The following NACC2 variants were observed in gnomAD, a reference collection of about 807,000 sequenced individuals.
NACC2 encodes the protein NACC family member 2, also known as nucleus accumbens-associated protein 2.
NACC2 carries 8 observed loss-of-function variants against 25.1 expected under a neutral mutation model. The observed-to-expected ratio is 0.32, with a 90% CI of 0.19 to 0.57. The LOEUF (loss-of-function observed/expected upper bound fraction) is 0.57. NACC2 is among the 20% of genes least tolerant of loss of function. The pLI is 0.89. For missense variants in NACC2, 644 were observed against 650.2 expected, an observed-to-expected ratio of 0.99 and a Z score of 0.10; for synonymous variants, 435 against 294.7, an observed-to-expected ratio of 1.48 and a Z score of -4.88.
chr9:136,063,396 G>A (rs570643010), intron 1 of NACC2, among the ~76,000 whole-genome samples: 1 of 152,282 alleles, frequency 6.6e-6, no homozygotes, highest in South Asian at 2.1e-4. Context: ...CAGGAAAGAG[G>A]TCACGTACAT....
At chr9:136,070,900 C>A (rs967415142) in intron 1 of NACC2, among the ~76,000 whole-genome samples, 2 of 151,480 alleles carry the variant, frequency 1.3e-5, no homozygotes, top group Non-Finnish European at 2.9e-5. Flanking sequence ...AATTACAGAC[C>A]CTGCAGATAG....
chr9:136,036,183 T>G (rs1840549657), intron 2 of NACC2, among the ~76,000 whole-genome samples: 1 of 152,122 alleles, frequency 6.6e-6, no homozygotes, highest in Admixed American at 6.6e-5. Context: ...GCAAAATATT[T>G]AAATAGGCAC....
At chr9:136,060,475 C>T (rs993705468) in intron 1 of NACC2, among the ~76,000 whole-genome samples, 3 of 152,264 alleles carry the variant, frequency 2.0e-5, no homozygotes, top group Admixed American at 2.0e-4. Context: ...CGCTTCTTTC[C>T]AGAAGACAGG....
intron 1 of NACC2, among the ~76,000 whole-genome samples, chr9:136,064,394 T>TTC (rs35501494): frequency 0.4 from 60,135 of 151,940 alleles, 12,779 homozygotes; most frequent in Non-Finnish European, 0.48. Flanking sequence ...TCACAAGTAT[T>TTC]TCTCTACACT....
chr9:136,050,915 C>G (rs1410093622), intron 1 of NACC2, among the ~76,000 whole-genome samples: 1 of 152,128 alleles, frequency 6.6e-6, no homozygotes, highest in Non-Finnish European at 1.5e-5. Context: ...TGCCCCGGGA[C>G]AGGAGGTGGG....
intron 1 of NACC2, among the ~76,000 whole-genome samples, chr9:136,075,523 C>T (rs568649529): frequency 6.6e-6 from 1 of 152,256 alleles, no homozygotes; most frequent in Non-Finnish European, 1.5e-5. Flanking sequence ...TCAAACAGAT[C>T]GCGCAGCTGG....
rs188762994 is a variant in NACC2, at chr9:136,015,673, G to A, written c.1051+592C>T. On this transcript the variant is annotated intron_variant, in intron 3 of 5. Transcript: ENST00000277554. ...CAAGCTTGGGGCTTCCTGGAAAACC[G>A]GGAAGAAATCCCCAGAAAATGGCCC... Among the ~76,000 whole-genome samples, 181 of 152,328 alleles carry A rather than the reference G, an allele frequency of 1.2e-3. 1 individual carries two copies. Among genetic ancestry groups the A allele is most frequent in the African/African-American group, 4.1e-3 (171 of 41,574 alleles).
chr9:136,012,226 C>T (rs1158887412), intron 5 of NACC2, among the ~76,000 whole-genome samples: 3 of 152,264 alleles, frequency 2.0e-5, no homozygotes, highest in Non-Finnish European at 4.4e-5. Context: ...CTCCCCACCC[C>T]ATTCCTCTGG....
At chr9:136,057,390 T>TG (rs1227535979) in intron 1 of NACC2, among the ~76,000 whole-genome samples, 1 of 152,072 alleles carries the variant, frequency 6.6e-6, no homozygotes, top group Non-Finnish European at 1.5e-5. Context: ...CAGCTGGGGC[T>TG]GGGGTGGCTC....
chr9:136,035,175 G>T (rs900908476), intron 2 of NACC2, among the ~76,000 whole-genome samples: 11 of 152,170 alleles, frequency 7.2e-5, no homozygotes, highest in African/African-American at 2.6e-4. Context: ...ATAAATACTA[G>T]AATTAATGGA....
In NACC2 at chr9:136,050,523, G is replaced by T; in HGVS notation, c.-2C>A. On this transcript the variant is annotated 5_prime_UTR_variant, in exon 2 of 6. Transcript: ENST00000277554. ...CTCGATGTGCAGCATCTGAGACATG[G>T]CGGGCGGGCAGCGGCGGGGCTGGGC... 1.3e-6 allele frequency: 1 copy of T among 761,418 alleles called. No individual in the cohort carries two copies. The highest frequency in any genetic ancestry group is 2.4e-5 in the East Asian group (1 of 41,090). The allele number at this position is 761,418 out of a possible 1,614,324, so 47.2% of individuals were successfully genotyped here.
chr9:136,007,076 T>G lies in NACC2; in HGVS notation c.*4440A>C, dbSNP rs560865911. On this transcript the variant is annotated 3_prime_UTR_variant, in exon 6 of 6. Transcript: ENST00000277554. Reference sequence around the variant, plus strand: ...AAGTCAAAAATATTTATACATTTTATACTTAGTTCTTTTTTTTGTCTGCTA... The same window carrying G: ...AAGTCAAAAATATTTATACATTTTAGACTTAGTTCTTTTTTTTGTCTGCTA... 2 of 154,414 alleles carry G rather than the reference T, an allele frequency of 1.3e-5. No homozygotes were observed. The highest frequency in any genetic ancestry group is 2.9e-5 in the Non-Finnish European group (2 of 68,222). 9.6% of individuals were successfully genotyped at this position (154,414 alleles called of 1,614,324 possible). A position where few individuals can be genotyped will look rare whatever the true frequency, so the allele number is the denominator to read the frequency against.
At chr9:136,088,112 C>T (rs1247350281) in intron 1 of NACC2, among the ~76,000 whole-genome samples, 1 of 152,208 alleles carries the variant, frequency 6.6e-6, no homozygotes, top group East Asian at 1.9e-4. Context: ...CGGGCTTGTA[C>T]GGTCGCCAGG....
chr9:136,026,913 A>G (rs1389287658), intron 2 of NACC2, among the ~76,000 whole-genome samples: 4 of 152,218 alleles, frequency 2.6e-5, no homozygotes, highest in Admixed American at 2.6e-4. Context: ...GTGAAATGAA[A>G]GTCAAAACAC....
chr9:136,031,839 GC>G (rs1840478738), intron 2 of NACC2, among the ~76,000 whole-genome samples: 1 of 152,198 alleles, frequency 6.6e-6, no homozygotes, highest in South Asian at 2.1e-4. Context: ...AACCCACATG[GC>G]TTTTACTGCT....
chr9:136,033,050 C>G lies in NACC2; in HGVS notation c.886+16586G>C, dbSNP rs1271263468. Among the ~76,000 whole-genome samples the G allele has an allele frequency of 2.0e-5, 3 of 152,020 alleles. No individual in the cohort carries two copies. In the South Asian group the frequency reaches 6.2e-4, roughly 31 times the overall value. On this transcript the variant is annotated intron_variant, in intron 2 of 5. Transcript: ENST00000277554. ...AATAAGTTGGGCATGGTGGCACACA[C>G]CTGTAATTCCAGCTACTTGGGAGGC...
intron 1 of NACC2, among the ~76,000 whole-genome samples, chr9:136,057,674 G>C (rs548403409): frequency 3.9e-3 from 591 of 152,358 alleles, no homozygotes; most frequent in Non-Finnish European, 7.0e-3. Flanking sequence ...GGCTGCAGTA[G>C]GGTCTCCCCT....
In NACC2 at chr9:136,022,916, C is replaced by T. The variant is rs944097937; in HGVS notation, c.887-6487G>A. Among the ~76,000 whole-genome samples the T allele has an allele frequency of 4.9e-5, 5 of 101,850 alleles. No homozygotes were observed. The highest frequency in any genetic ancestry group is 2.7e-4 in the East Asian group (1 of 3,710). The allele number at this position is 101,850 out of a possible 152,430, so 66.8% of individuals were successfully genotyped here. A position where few individuals can be genotyped will look rare whatever the true frequency, so the allele number is the denominator to read the frequency against. ...ATTACCACGCCATGCCACGCCACAC[C>T]GTGCCTGTTAAGACACAGCCCGTTT... On this transcript the variant is annotated intron_variant, in intron 2 of 5. Coordinates refer to ENST00000277554, the MANE Select transcript of NACC2 (RefSeq NM_144653.5). This position sits in a 1 kb window ranked among gnomAD's most constrained non-coding sequence, Gnocchi z 4.4.
intron 1 of NACC2, among the ~76,000 whole-genome samples, chr9:136,062,324 C>G (rs1169201295): frequency 6.6e-6 from 1 of 152,212 alleles, no homozygotes; most frequent in East Asian, 1.9e-4. Context: ...GACCTGCCAT[C>G]TACCCGGACC....
Sources: gnomAD v4.1 joint callset for allele counts (sites outside exome capture counted in the v4.1 genomes callset) on GRCh38, gnomAD v4.1.1 for gene constraint, Gnocchi (gnomAD v3.1) non-coding constraint, MANE v1.5 for transcripts, NCBI Gene and HGNC (gene_info 2026-07-23, HGNC 2026-07-21) for gene names.